Variants in CRB2 observed in about 807,000 individuals in gnomAD.
CRB2 encodes the protein protein crumbs homolog 2.
Under a neutral mutation model 110.9 loss-of-function variants are expected in CRB2, and 85 were observed. The ratio of observed to expected loss-of-function variants is 0.77; its 90% CI spans 0.64 to 0.92. The LOEUF (loss-of-function observed/expected upper bound fraction) is 0.92. CRB2 is among the 40% of genes least tolerant of loss of function. CRB2 has a pLI of 0.00. For synonymous variants in CRB2, 907 were observed against 831.0 expected, an observed-to-expected ratio of 1.09 and a Z score of -1.57; for missense variants, 1,843 against 1,851.3, an observed-to-expected ratio of 1.00 and a Z score of 0.08.
intron 1 of CRB2, among the ~76,000 whole-genome samples, chr9:123,359,446 T>TTG (rs1554781713): frequency 8.2e-6 from 1 of 122,422 alleles, no homozygotes; most frequent in Non-Finnish European, 1.6e-5. Flanking sequence ...GTTTTGTTTT[T>TTG]TTTTTTTTTT....
Position 123,370,907 on chromosome 9 carries a change from G to T in CRB2, c.1854G>T (p.Gly618=), listed in dbSNP as rs753845860. ...GGCCTCTGCCTTGTGTCCACGGAGGGTCCTGTGTGGATCTGTGGACTCATT... is the reference window on the plus strand; with the variant it reads ...GGCCTCTGCCTTGTGTCCACGGAGGTTCCTGTGTGGATCTGTGGACTCATT... The part of the protein sequence containing the change: ...QCRPLPCVHG[G]SCVDLWTHFR... Residue 618 remains glycine (G), a synonymous_variant, in exon 7 of 13, where the codon GGG becomes GGT. Transcript: ENST00000373631. 1.9e-6 allele frequency: 3 copies of T among 1,613,198 alleles called. No individual in the cohort carries two copies. Among genetic ancestry groups the T allele is most frequent in the East Asian group, 2.2e-5 (1 of 44,882 alleles).
At chr9:123,360,704 C>T (rs998952385) in intron 1 of CRB2, among the ~76,000 whole-genome samples, 2 of 152,166 alleles carry the variant, frequency 1.3e-5, no homozygotes, top group Admixed American at 1.3e-4. Flanking sequence ...TGGAGTGAGG[C>T]CCTGGGTTTG....
Position 123,356,246 on chromosome 9 carries a change from G to T in CRB2, c.-15G>T, listed in dbSNP as rs1389777452. The T allele has an allele frequency of 1.5e-6, 2 of 1,327,078 alleles. No homozygotes were observed. The highest frequency in any genetic ancestry group is 5.9e-5 in the East Asian group (2 of 33,870). The allele number at this position is 1,327,078 out of a possible 1,614,324, so 82.2% of individuals were successfully genotyped here. ...CGTTCTCACAGCAGCCGAGCAGAGC[G>T]CAGAGCGGGCTGCCATGGCGCTGGC... is the stretch of plus-strand genomic sequence containing the variant. On this transcript the variant is annotated 5_prime_UTR_variant, in exon 1 of 13. Coordinates refer to ENST00000373631, the MANE Select transcript of CRB2 (RefSeq NM_173689.7).
intron 12 of CRB2, among the ~76,000 whole-genome samples, chr9:123,375,614 G>A (rs1234639736): frequency 6.6e-6 from 1 of 152,214 alleles, no homozygotes. Flanking sequence ...CAGGGCAGTG[G>A]CAGTGAGGAC....
In CRB2 at chr9:123,374,638, G is replaced by A. The variant is rs1429179771; in HGVS notation, c.3449G>A (p.Cys1150Tyr). The A allele has an allele frequency of 5.6e-6, 9 of 1,613,124 alleles. No homozygotes were observed. The highest frequency in any genetic ancestry group is 1.7e-5 in the Admixed American group (1 of 59,994). ...GTCACCTGCCTCGATGGCAGCCCAT[G>A]TGAGGGTGGCTCTCCCGCTGCCAAC... ...LNVTCLDGSP[C>Y]EGGSPAANCS... Residue 1150 changes from cysteine to tyrosine, a missense_variant, in exon 11 of 13, where the codon TGT (cysteine) becomes TAT (tyrosine). By Grantham distance (194) the Cys-to-Tyr change is radical. Transcript: ENST00000373631.
At chr9:123,364,893 C>T (rs1221228567) in intron 2 of CRB2, among the ~76,000 whole-genome samples, 1 of 152,158 alleles carries the variant, frequency 6.6e-6, no homozygotes, top group Non-Finnish European at 1.5e-5. Flanking sequence ...TGCAGGGACA[C>T]TGGGAGGAGT....
chr9:123,354,311 C>G (rs1319826053), upstream of CRB2, among the ~76,000 whole-genome samples: 1 of 152,250 alleles, frequency 6.6e-6, no homozygotes, highest in Non-Finnish European at 1.5e-5. Context: ...GCCGGGTGAC[C>G]TCCCCGCTCT....
chr9:123,367,452 CACCCCA>C, intron 5 of CRB2, 95 bp downstream of exon 5: 10 of 993,838 alleles, frequency 1.0e-5, no homozygotes, highest in East Asian at 3.3e-5. Flanking sequence ...CCCCACCCCA[CACCCCA>C]CACCCGAGTC....
intron 4 of CRB2, among the ~76,000 whole-genome samples, 188 bp downstream of exon 4, chr9:123,366,554 G>T (rs1036667766): frequency 6.6e-6 from 1 of 152,222 alleles, no homozygotes; most frequent in East Asian, 1.9e-4. Flanking sequence ...TGATCGTAGC[G>T]CCTGCTCCTG....
At position 123,361,137 on chromosome 9, in the gene CRB2, A is replaced by AG. The variant is rs1554781920; in HGVS notation, c.95-1718dup. Among the ~76,000 whole-genome samples, 77 of 53,838 alleles carry AG rather than the reference A, an allele frequency of 1.4e-3. 4 individuals carry two copies. The highest frequency in any genetic ancestry group is 2.2e-3 in the African/African-American group (55 of 25,038). 35.3% of individuals were successfully genotyped at this position (53,838 alleles called of 152,430 possible). A position where few individuals can be genotyped will look rare whatever the true frequency, so the allele number is the denominator to read the frequency against. On this transcript the variant is annotated intron_variant, in intron 1 of 12. Transcript: ENST00000373631. ...AAAGCTTCAGATTGGATGGGCGGGG[A>AG]GGGGGGGGGGTTCCTTGCACTGCAC...
rs763849885 is a variant in CRB2, at chr9:123,366,348, C to T, written c.736C>T (p.Arg246Cys). The change falls in exon 4 of 13, where the codon CGC (arginine) becomes TGC (cysteine). Residue 246 changes from arginine (R) to cysteine (C), a missense_variant. Transcript: ENST00000373631. ...CTGCCTCGAGGGCCTCGGGAGCTTC[C>T]GCTGCCTCTGTTGGCCAGGTGTGTG... ...ASCLEGLGSF[R>C]CLCWPGYSGE... 59 of 1,548,880 alleles carry T rather than the reference C, an allele frequency of 3.8e-5. No individual in the cohort carries two copies. The highest frequency in any genetic ancestry group is 1.8e-4 in the East Asian group (7 of 39,358).
In CRB2 at chr9:123,366,126, G is replaced by C; in HGVS notation, c.614+14G>C. The C allele has an allele frequency of 7.1e-7, 1 of 1,410,342 alleles. No homozygotes were observed. The highest frequency in any genetic ancestry group is 1.6e-5 in the South Asian group (1 of 64,500). 87.4% of individuals were successfully genotyped at this position (1,410,342 alleles called of 1,614,324 possible). ...CCTGGTCAACGGGTGAGCGAGCGGC[G>C]GGGCAGGCGGCAGGGGCGCCGGGTG... On this transcript the variant is annotated intron_variant, in intron 3 of 12. Coordinates refer to ENST00000373631, the MANE Select transcript of CRB2 (RefSeq NM_173689.7).
chr9:123,375,438 C>A (rs1262816483), intron 12 of CRB2, 95 bp downstream of exon 12: 7 of 1,391,510 alleles, frequency 5.0e-6, no homozygotes, highest in Non-Finnish European at 6.6e-6. Flanking sequence ...TGGGGCTGTT[C>A]CTGGGCCACT....
rs369985658 is a variant in CRB2, at chr9:123,371,342, G to A, written c.2200G>A (p.Gly734Arg). Residue 734 changes from glycine to arginine, a missense_variant, in exon 8 of 13, where the codon GGG becomes AGG. By Grantham distance (125) the Gly-to-Arg change is moderately radical (BLOSUM62 -2). Coordinates refer to ENST00000373631, the MANE Select transcript of CRB2 (RefSeq NM_173689.7). Reference sequence around the variant, plus strand: ...CCGTCACCTGGTGATGCTCAGCTTCGGGCCTGACCAGCTGCAGGACCTGGG... The same window carrying A: ...CCGTCACCTGGTGATGCTCAGCTTCAGGCCTGACCAGCTGCAGGACCTGGG... The part of the protein sequence containing the change: ...GLRHLVMLSF[G>R]PDQLQDLGQH... The A allele has an allele frequency of 2.9e-5, 46 of 1,605,668 alleles. No individual in the cohort carries two copies. The highest frequency in any genetic ancestry group is 1.7e-4 in the Middle Eastern group (1 of 6,038).
chr9:123,367,487 C>G, intron 5 of CRB2, 86 bp from the exon 6 acceptor site: 1 of 1,249,532 alleles, frequency 8.0e-7, no homozygotes, highest in South Asian at 1.3e-5. Flanking sequence ...CTCTTGGACT[C>G]AGTCTCTCTA....
intron 2 of CRB2, 74 bp from the exon 3 acceptor site, chr9:123,365,843 C>G (rs2041922928): frequency 7.6e-7 from 1 of 1,314,582 alleles, no homozygotes; most frequent in African/African-American, 1.5e-5. Context: ...AACTCTGGAG[C>G]AGGCCTGGCG....
Position 123,365,829 on chromosome 9 carries a change from C to T in CRB2, c.419-88C>T, listed in dbSNP as rs1588208393. On this transcript the variant is annotated intron_variant, in intron 2 of 12. Transcript: ENST00000373631. ...GCTCTGAATGAATGAATCCACGAGT[C>T]TCTAACTCTGGAGCAGGCCTGGCGC... 4.2e-6 allele frequency: 5 copies of T among 1,184,280 alleles called. No individual in the cohort carries two copies. The East Asian group carries it at 1.5e-4, about 36-fold the overall frequency. 73.4% of individuals were successfully genotyped at this position (1,184,280 alleles called of 1,614,324 possible). A position where few individuals can be genotyped will look rare whatever the true frequency, so the allele number is the denominator to read the frequency against.
intron 9 of CRB2, 26 bp from the exon 10 acceptor site, chr9:123,373,108 T>G (rs2042040070): frequency 6.8e-7 from 1 of 1,462,880 alleles, no homozygotes; most frequent in Non-Finnish European, 9.0e-7. Context: ...CCGTGGGCTA[T>G]TCCCTGAGGC....
intron 1 of CRB2, 145 bp from the exon 2 acceptor site, chr9:123,362,720 C>A: frequency 2.8e-6 from 2 of 722,350 alleles, no homozygotes; most frequent in Non-Finnish European, 4.5e-6. Context: ...TGGGACCTGG[C>A]TTGCAGACCC....
Sources: allele counts gnomAD v4.1 joint callset (sites outside exome capture counted in the v4.1 genomes callset), GRCh38; gene constraint gnomAD v4.1.1; transcripts MANE v1.5; gene names NCBI Gene and HGNC (gene_info 2026-07-23, HGNC 2026-07-21).